LRFN2: variants seen among roughly 807,000 people sequenced by gnomAD.
The protein encoded by LRFN2 is leucine rich repeat and fibronectin type III domain containing 2, also known as leucine-rich repeat and fibronectin type-III domain-containing protein 2.
Under a neutral mutation model 37.3 loss-of-function variants are expected in LRFN2, and 18 were observed. That is an observed-to-expected ratio of 0.48 (90% CI 0.33 to 0.72). LRFN2 has a LOEUF of 0.72. LRFN2 is among the 30% of genes least tolerant of loss of function. The pLI is 0.02. For synonymous variants in LRFN2, 556 were observed against 466.6 expected (o/e 1.19, Z -2.47); for missense variants, 1,006 against 1,060.7 (o/e 0.95, Z 0.72).
At chr6:40,495,657 A>T (rs1207403769) in intron 1 of LRFN2, among the ~76,000 whole-genome samples, 1 of 152,100 alleles carries the variant, frequency 6.6e-6, no homozygotes, top group East Asian at 1.9e-4. Flanking sequence ...AGCCATGTTG[A>T]CTAGCTCTAA....
At chr6:40,435,566 T>C (rs1456938544) in intron 1 of LRFN2, among the ~76,000 whole-genome samples, 1 of 151,710 alleles carries the variant, frequency 6.6e-6, no homozygotes, top group Non-Finnish European at 1.5e-5. Context: ...TGAGACGGAG[T>C]CTGGCTCTGT....
At position 40,392,647 on chromosome 6, in the gene LRFN2, G is replaced by A. The variant is rs775092097; in HGVS notation, c.1666C>T (p.Arg556Cys). Residue 556 changes from arginine (R) to cysteine (C), a missense_variant, in exon 3 of 3, where the codon CGC becomes TGC. Physicochemically the swap from Arg to Cys is radical, Grantham distance 180. This residue lies in a region of LRFN2 where 120 missense variants were observed against 178.4 expected (regional missense o/e 0.67). Coordinates refer to ENST00000338305, the MANE Select transcript of LRFN2 (RefSeq NM_020737.3). The surrounding 1 kb of genome is among the most constrained non-coding windows in gnomAD (Gnocchi z 4.7). ...LLVFIVILMV[R>C]YKVCNHEAPS... ...GCCTCGTGGTTGCAGACCTTGTAGC[G>A]CACCATGAGGATGACGATGAAGACC... 6 of 1,612,706 alleles carry A rather than the reference G, an allele frequency of 3.7e-6. No homozygotes were observed. Among genetic ancestry groups the A allele is most frequent in the Middle Eastern group, 1.6e-4 (1 of 6,062 alleles).
In LRFN2 at chr6:40,432,619, C is replaced by T. The variant is rs751384640; in HGVS notation, c.495G>A (p.Pro165=). ...TGACCATGCGTCGCACGGAGTCCCA[C>T]GGCAGGCCATGGAGGTTGTTGTAGG... ...DLSYNNLHGL[P]WDSVRRMVNL... Residue 165 remains proline, a synonymous_variant, in exon 2 of 3, where the codon CCG becomes CCA. Coordinates refer to ENST00000338305, the MANE Select transcript of LRFN2 (RefSeq NM_020737.3). 35 of 1,614,088 alleles carry T rather than the reference C, an allele frequency of 2.2e-5. No individual in the cohort carries two copies. In the Middle Eastern group the frequency reaches 1.5e-3, roughly 68 times the overall value.
Position 40,432,429 on chromosome 6 carries a change from T to G in LRFN2, c.685A>C (p.Thr229Pro), listed in dbSNP as rs1468526818. The change falls in exon 2 of 3, where the codon ACA (threonine) becomes CCA (proline). Residue 229 changes from threonine (T) to proline (P), a missense_variant. Thr to Pro is a conservative substitution (Grantham distance 38). Coordinates refer to ENST00000338305, the MANE Select transcript of LRFN2 (RefSeq NM_020737.3). ...ARSQASALTA[T>P]PFAPPLSFSF... ...AAGGACAAGGGTGGGGCAAAGGGTGTGGCTGTCAAAGCCGAAGCCTGGGAG... is the reference window on the plus strand; with the variant it reads ...AAGGACAAGGGTGGGGCAAAGGGTGGGGCTGTCAAAGCCGAAGCCTGGGAG... 6.2e-6 allele frequency: 10 copies of G among 1,614,030 alleles called. No individual in the cohort carries two copies. The highest frequency in any genetic ancestry group is 1.3e-5 in the African/African-American group (1 of 74,916).
chr6:40,562,287 T>C (rs10947896), intron 1 of LRFN2, among the ~76,000 whole-genome samples: 69,244 of 151,784 alleles, frequency 0.46, 16,398 homozygotes, highest in Middle Eastern at 0.58. Flanking sequence ...GACTACGCAA[T>C]GAACTACTGG....
chr6:40,435,146 A>G (rs1490474217), intron 1 of LRFN2, among the ~76,000 whole-genome samples: 1 of 122,304 alleles, frequency 8.2e-6, no homozygotes, highest in East Asian at 2.3e-4. Context: ...TTTTATATAT[A>G]TATATACAGA....
intron 1 of LRFN2, among the ~76,000 whole-genome samples, chr6:40,573,063 T>A (rs796610797): frequency 3.9e-5 from 6 of 152,332 alleles, no homozygotes; most frequent in African/African-American, 1.4e-4. Context: ...ATCCTGCCCA[T>A]TTATCAAACA....
intron 1 of LRFN2, among the ~76,000 whole-genome samples, chr6:40,467,912 G>A (rs1271211055): frequency 1.3e-5 from 2 of 152,124 alleles, no homozygotes; most frequent in Non-Finnish European, 2.9e-5. Context: ...TGATGGAAGA[G>A]ACCTAGTCCT....
chr6:40,415,058 CAA>C (rs1763065670), intron 2 of LRFN2, among the ~76,000 whole-genome samples: 1 of 152,170 alleles, frequency 6.6e-6, no homozygotes, highest in Admixed American at 6.5e-5. Flanking sequence ...CCCACATCTG[CAA>C]AGAGACATCA....
In LRFN2 at chr6:40,432,251, G is replaced by A. The variant is rs139051937; in HGVS notation, c.863C>T (p.Pro288Leu). ...HVREEEFVCE[P>L]PLITQHTHKL... Reference sequence around the variant, plus strand: ...GTGTGTGTGCTGGGTGATGAGAGGCGGCTCGCACACAAACTCCTCCTCACG... The same window carrying A: ...GTGTGTGTGCTGGGTGATGAGAGGCAGCTCGCACACAAACTCCTCCTCACG... Residue 288 changes from proline to leucine, a missense_variant, in exon 2 of 3, where the codon CCG becomes CTG. Transcript: ENST00000338305. The A allele has an allele frequency of 3.7e-6, 6 of 1,613,862 alleles. No homozygotes were observed. In the African/African-American group the frequency reaches 5.3e-5, roughly 14 times the overall value.
intron 2 of LRFN2, among the ~76,000 whole-genome samples, chr6:40,401,103 A>AC (rs1160962673): frequency 6.6e-6 from 1 of 151,296 alleles, no homozygotes; most frequent in Non-Finnish European, 1.5e-5. Context: ...AACAGAGTTT[A>AC]CCCCCCAGAA....
At chr6:40,563,316 C>T (rs1767033379) in intron 1 of LRFN2, among the ~76,000 whole-genome samples, 1 of 152,208 alleles carries the variant, frequency 6.6e-6, no homozygotes, top group Non-Finnish European at 1.5e-5. Flanking sequence ...GCAGGGACAG[C>T]TGCCGGGCCA....
intron 1 of LRFN2, among the ~76,000 whole-genome samples, chr6:40,513,397 C>G (rs183975813): frequency 6.6e-6 from 1 of 152,238 alleles, no homozygotes; most frequent in East Asian, 1.9e-4. Flanking sequence ...CCACGTCCAG[C>G]TAATTTTTGT....
chr6:40,556,773 T>C (rs901093795), intron 1 of LRFN2, among the ~76,000 whole-genome samples: 2 of 150,178 alleles, frequency 1.3e-5, no homozygotes, highest in African/African-American at 5.0e-5. Context: ...CTACTGATGC[T>C]CTTGGCCACC....
intron 1 of LRFN2, among the ~76,000 whole-genome samples, chr6:40,539,342 CCCTGGCAG>C (rs1343021514): frequency 6.6e-6 from 1 of 152,202 alleles, no homozygotes; most frequent in Non-Finnish European, 1.5e-5. Context: ...GATGTTTCTT[CCCTGGCAG>C]CCTGGCAGCT....
At chr6:40,465,024 T>C (rs1473661604) in intron 1 of LRFN2, among the ~76,000 whole-genome samples, 3 of 152,186 alleles carry the variant, frequency 2.0e-5, no homozygotes, top group Non-Finnish European at 2.9e-5. Flanking sequence ...GTAAATATTA[T>C]GCTGGATTAT....
chr6:40,419,207 C>CA (rs1763163772), intron 2 of LRFN2, among the ~76,000 whole-genome samples: 1 of 152,218 alleles, frequency 6.6e-6, no homozygotes, highest in African/African-American at 2.4e-5. Flanking sequence ...AGCAGCACCT[C>CA]CACAGCCTTT....
chr6:40,511,314 G>A (rs913194513), intron 1 of LRFN2, among the ~76,000 whole-genome samples: 1 of 152,186 alleles, frequency 6.6e-6, no homozygotes, highest in Non-Finnish European at 1.5e-5. Context: ...CCTTTGATTA[G>A]AAGATGGATG....
In LRFN2 at chr6:40,393,015, G is replaced by C. The variant is rs1581671136; in HGVS notation, c.1401-103C>G. On this transcript the variant is annotated intron_variant, in intron 2 of 2. Transcript: ENST00000338305. ...AAACAGAGTGACAGAGATGGGGAGG[G>C]GGAGGGGAGGGAGGCCAAGACAGAC... 5 of 933,786 alleles carry C rather than the reference G, an allele frequency of 5.4e-6. 1 individual carries two copies. Among genetic ancestry groups the C allele is most frequent in the Non-Finnish European group, 7.9e-6 (5 of 631,330 alleles). 57.8% of individuals were successfully genotyped at this position (933,786 alleles called of 1,614,324 possible). A position where few individuals can be genotyped will look rare whatever the true frequency, so the allele number is the denominator to read the frequency against.
Sources: allele counts gnomAD v4.1 joint callset (sites outside exome capture counted in the v4.1 genomes callset), GRCh38; gene constraint gnomAD v4.1.1; regional missense constraint gnomAD v4.1.1; non-coding constraint Gnocchi (gnomAD v3.1); transcripts MANE v1.5; gene names NCBI Gene and HGNC (gene_info 2026-07-23, HGNC 2026-07-21).